Variants in SI observed in about 807,000 individuals in gnomAD.
SI encodes sucrase-isomaltase, intestinal.
In SI, 235 loss-of-function variants were observed where a neutral mutation model predicts 253.3. The ratio of observed to expected loss-of-function variants is 0.93; its 90% CI spans 0.83 to 1.03. The LOEUF is 1.03. Among genes scored for constraint, SI ranks in the 50% least tolerant of loss-of-function variants. SI has a pLI of 0.00. For missense variants in SI, 2,442 were observed against 2,211.1 expected (o/e 1.10, Z -2.09); for synonymous variants, 819 against 712.0 (o/e 1.15, Z -2.39).
chr3:165,001,335 A>T (rs1467640389), intron 37 of SI, among the ~76,000 whole-genome samples: 1 of 151,400 alleles, frequency 6.6e-6, no homozygotes, highest in Non-Finnish European at 1.5e-5. Flanking sequence ...AAACTCAAAG[A>T]TATTTTATTG....
At chr3:165,018,882 C>A (rs950494666) in intron 28 of SI, among the ~76,000 whole-genome samples, 1 of 151,670 alleles carries the variant, frequency 6.6e-6, no homozygotes, top group African/African-American at 2.4e-5. Context: ...GATATAAATG[C>A]AAGCTGTTTG....
At chr3:165,068,382 G>T (rs1032986793) in intron 5 of SI, among the ~76,000 whole-genome samples, 1 of 152,048 alleles carries the variant, frequency 6.6e-6, no homozygotes, top group Non-Finnish European at 1.5e-5. Flanking sequence ...TCTTTGCCTT[G>T]GAATAAATAT....
intron 37 of SI, among the ~76,000 whole-genome samples, chr3:164,999,905 T>TA: frequency 6.6e-6 from 1 of 151,768 alleles, no homozygotes; most frequent in South Asian, 2.1e-4. Flanking sequence ...GTCACTCTTT[T>TA]AAAAAACCAA....
At chr3:165,086,907 C>A in the SI span, among the ~76,000 whole-genome samples, 1 of 152,144 alleles carries the variant, frequency 6.6e-6, no homozygotes, top group African/African-American at 2.4e-5. Context: ...CTCACAAGTT[C>A]TCATGCGTAG....
At position 165,021,769 on chromosome 3, in the gene SI, T is replaced by C. The variant is rs139604087; in HGVS notation, c.3100-386A>G. 6.5e-4 allele frequency among the ~76,000 whole-genome samples: 98 copies of C among 151,666 alleles called. 2 individuals carry two copies. Among genetic ancestry groups the C allele is most frequent in the African/African-American group, 2.0e-3 (85 of 41,498 alleles). The stretch of plus-strand genomic sequence containing the variant: ...ATTATACAATAAACCCTAATGCTAA[T>C]TTATGTTTATTTGTGTTTTTATTTC... On this transcript the variant is annotated intron_variant, in intron 26 of 47. Transcript: ENST00000264382.
chr3:165,000,998 T>G (rs1718232631), intron 37 of SI, among the ~76,000 whole-genome samples: 1 of 151,248 alleles, frequency 6.6e-6, no homozygotes, highest in Non-Finnish European at 1.5e-5. Flanking sequence ...AACCAGAAAC[T>G]CTACATATAT....
chr3:165,039,087 A>T lies in SI; in HGVS notation c.2292T>A (p.Asp764Glu). ...TGTTAAGGTTACTTACAGATTCATA[A>T]TCATACCAAATAGCATCAGGGATGT... ...SAYIPDAIWY[D>E]YESGAKRPWR... The change falls in exon 20 of 48, where the codon GAT becomes GAA. Residue 764 changes from aspartate (D) to glutamate (E), a missense_variant. Physicochemically the swap from Asp to Glu is conservative, Grantham distance 45 (BLOSUM62 2). Transcript: ENST00000264382. 1 of 1,586,860 alleles carries T rather than the reference A, an allele frequency of 6.3e-7. No individual in the cohort carries two copies. The highest frequency in any genetic ancestry group is 8.6e-7 in the Non-Finnish European group (1 of 1,156,942).
intron 32 of SI, 69 bp downstream of exon 32, chr3:165,015,883 C>G: frequency 1.5e-6 from 2 of 1,346,440 alleles, no homozygotes; most frequent in Non-Finnish European, 2.1e-6. Flanking sequence ...CATCTTCCCC[C>G]CCACCTGCTC....
chr3:165,022,533 T>TCA (rs1491563006), intron 26 of SI, among the ~76,000 whole-genome samples: 2,301 of 83,334 alleles, frequency 0.028, 51 homozygotes, highest in African/African-American at 0.084. Context: ...TTTTGTGCCA[T>TCA]CTCACACACA....
upstream of SI, among the ~76,000 whole-genome samples, chr3:165,079,386 T>C (rs1337687823): frequency 6.6e-6 from 1 of 151,670 alleles, no homozygotes; most frequent in Non-Finnish European, 1.5e-5. Flanking sequence ...TTCAACAAAA[T>C]ATATATTAAA....
intron 7 of SI, among the ~76,000 whole-genome samples, chr3:165,064,899 A>G (rs561226376): frequency 3.3e-5 from 5 of 152,252 alleles, no homozygotes; most frequent in Admixed American, 2.6e-4. Flanking sequence ...CTAGGCAGAC[A>G]TTGTATTATA....
At chr3:165,029,920 C>A (rs557917001) in intron 25 of SI, among the ~76,000 whole-genome samples, 26 of 150,468 alleles carry the variant, frequency 1.7e-4, no homozygotes, top group Non-Finnish European at 3.3e-4. Flanking sequence ...CTTCCCTATT[C>A]TTCACTAGTG....
Position 165,009,382 on chromosome 3 carries a change from T to A in SI, c.4076A>T (p.His1359Leu), listed in dbSNP as rs868516257. The A allele has an allele frequency of 1.2e-6, 2 of 1,612,832 alleles. No homozygotes were observed. Among genetic ancestry groups the A allele is most frequent in the Admixed American group, 1.7e-5 (1 of 59,998 alleles). ...CCTGAAGAAATCTGGGAAAGCTACA[T>A]GAGCTCTGGAAGCCTGTAAAACCAA... The part of the protein sequence containing the change: ...EDEAVNASRA[H>L]VAFPDFFRTS... The change falls in exon 35 of 48, where the codon CAT becomes CTT. Residue 1359 changes from histidine to leucine, a missense_variant. His to Leu is a moderately conservative substitution (Grantham distance 99, BLOSUM62 -3). Transcript: ENST00000264382.
At chr3:165,026,153 A>C (rs1353518134) in intron 25 of SI, among the ~76,000 whole-genome samples, 1 of 151,344 alleles carries the variant, frequency 6.6e-6, no homozygotes, top group Non-Finnish European at 1.5e-5. Context: ...CATTCCATGC[A>C]AATGAACACT....
intron 25 of SI, among the ~76,000 whole-genome samples, chr3:165,029,732 C>T (rs1712133397): frequency 6.7e-6 from 1 of 149,514 alleles, no homozygotes; most frequent in African/African-American, 2.4e-5. Context: ...GAATTGTTCC[C>T]ACCTGTCCTT....
At chr3:165,075,555 C>A (rs573600426) in intron 2 of SI, among the ~76,000 whole-genome samples, 1 of 151,964 alleles carries the variant, frequency 6.6e-6, no homozygotes, top group African/African-American at 2.4e-5. Context: ...AAGGCTGGAG[C>A]AAAAACCCAG....
chr3:165,047,184 C>T (rs148335697), intron 15 of SI, among the ~76,000 whole-genome samples, 172 bp from the exon 16 acceptor site: 234 of 152,100 alleles, frequency 1.5e-3, no homozygotes, highest in African/African-American at 5.1e-3. Context: ...GAGAGAAACC[C>T]GATGGGAGAT....
chr3:165,017,744 G>T lies in SI; in HGVS notation c.3633+17C>A, dbSNP rs761082418. ...ATAAAAATTTTTAATTTTTTTAAAA[G>T]AAATATGCAATCATACTTCATGGTA... On this transcript the variant is annotated intron_variant, in intron 30 of 47. Coordinates refer to ENST00000264382, the MANE Select transcript of SI (RefSeq NM_001041.4). The T allele has an allele frequency of 1.9e-6, 3 of 1,601,748 alleles. No individual in the cohort carries two copies. Among genetic ancestry groups the T allele is most frequent in the Non-Finnish European group, 8.5e-7 (1 of 1,171,688 alleles).
At chr3:165,024,941 T>C (rs1711826467) in intron 25 of SI, among the ~76,000 whole-genome samples, 1 of 151,286 alleles carries the variant, frequency 6.6e-6, no homozygotes. Flanking sequence ...CAAATCCACA[T>C]GTCAGTTTCC....
Sources: gnomAD v4.1 joint callset for allele counts (sites outside exome capture counted in the v4.1 genomes callset) on GRCh38, gnomAD v4.1.1 for gene constraint, MANE v1.5 for transcripts, NCBI Gene and HGNC (gene_info 2026-07-23, HGNC 2026-07-21) for gene names.